CACNA1C: variants seen among roughly 807,000 people sequenced by gnomAD.
CACNA1C encodes the protein voltage-dependent L-type calcium channel subunit alpha-1C.
CACNA1C carries 30 observed loss-of-function variants against 229.0 expected under a neutral mutation model. The observed-to-expected ratio is 0.13, with a 90% confidence interval of 0.10 to 0.18. The LOEUF is 0.18. Ranked by LOEUF, CACNA1C falls within the 10% of genes least tolerant of loss-of-function variation. The pLI, the probability that CACNA1C is intolerant of heterozygous loss-of-function variation, is 1.00. For synonymous variants in CACNA1C, 1,114 were observed against 1,132.5 expected (o/e 0.98, Z 0.33); for missense variants, 1,658 against 2,845.0 (o/e 0.58, Z 9.49).
intron 3 of CACNA1C, among the ~76,000 whole-genome samples, chr12:2,137,676 C>G (rs560041869): frequency 6.6e-6 from 1 of 151,172 alleles, no homozygotes; most frequent in Non-Finnish European, 1.5e-5. Flanking sequence ...ATATATTTGT[C>G]TCTAAAATAC....
chr12:2,248,962 C>T (rs879408131), intron 3 of CACNA1C, among the ~76,000 whole-genome samples: 1 of 152,152 alleles, frequency 6.6e-6, no homozygotes, highest in South Asian at 2.1e-4. Context: ...CCGTGCCTGG[C>T]GTAAAATAGG....
chr12:2,467,151 C>T lies in CACNA1C; in HGVS notation c.757+9445C>T, dbSNP rs2099557491. 6.6e-6 allele frequency among the ~76,000 whole-genome samples: 1 copy of T among 152,146 alleles called. No homozygotes were observed. Among genetic ancestry groups the T allele is most frequent in the African/African-American group, 2.4e-5 (1 of 41,456 alleles). On this transcript the variant is annotated intron_variant, in intron 5 of 46. Coordinates refer to ENST00000399655, the MANE Select transcript of CACNA1C (RefSeq NM_000719.7). The surrounding 1 kb of genome is among the most constrained non-coding windows in gnomAD (Gnocchi z 4.6). ...CCTGCCCGCCCATCGGAGATGGTCC[C>T]TACAACATCTTCTAAGCCCTTTCCC...
chr12:2,138,389 T>C (rs2093768383), intron 3 of CACNA1C, among the ~76,000 whole-genome samples: 1 of 150,996 alleles, frequency 6.6e-6, no homozygotes, highest in Non-Finnish European at 1.5e-5. Flanking sequence ...GGAAGGCAGG[T>C]GGCAGGTGGT....
In CACNA1C at chr12:2,685,754, C is replaced by T. The variant is rs748240245; in HGVS notation, c.5592C>T (p.Asp1864=). Residue 1864 remains aspartate, a synonymous_variant, in exon 44 of 47, where the codon GAC becomes GAT. Coordinates refer to ENST00000399655, the MANE Select transcript of CACNA1C (RefSeq NM_000719.7). ...LSTEMLSYQD[D]ENRQLTLPEE... ...GTTCCAGGCTCTCCTACCAGGATGA[C>T]GAAAATCGGCAACTGACGCTCCCAG... The T allele has an allele frequency of 1.3e-5, 21 of 1,613,452 alleles. No homozygotes were observed. Among genetic ancestry groups the T allele is most frequent in the Middle Eastern group, 3.3e-4 (2 of 6,076 alleles).
intron 2 of CACNA1C, among the ~76,000 whole-genome samples, chr12:2,115,751 G>A (rs1227596044): frequency 3.3e-5 from 5 of 152,264 alleles, no homozygotes; most frequent in Admixed American, 6.5e-5. Context: ...ATCTGGGGAC[G>A]GGGCCCAGCA....
chr12:2,136,966 G>GCTGCTGGGCCTGCATTTGAACTTGGAT (rs1490700799), intron 3 of CACNA1C, among the ~76,000 whole-genome samples: 1 of 151,382 alleles, frequency 6.6e-6, no homozygotes. Flanking sequence ...GATCTTGGGA[G>GCTGCTGGGCCTGCATTTGAACTTGGAT]CTGCTGGGCC....
intron 3 of CACNA1C, among the ~76,000 whole-genome samples, chr12:2,400,739 A>T (rs779397012): frequency 6.6e-6 from 1 of 152,116 alleles, no homozygotes; most frequent in South Asian, 2.1e-4. Flanking sequence ...CAGGGGCCCC[A>T]TCTGGCCTGC....
rs2050128359 is a variant in CACNA1C at position 2,041,604 on chromosome 12, G to A, written c.139+70403G>A. On this transcript the variant is annotated intron_variant, in intron 1 of 46. Coordinates refer to the CACNA1C transcript ENST00000682462. ...TAAGGGTATTCTTGATATCCGCTGG[G>A]ATAATGTGACCACAGGACACCTTGC... 2.6e-5 allele frequency among the ~76,000 whole-genome samples: 4 copies of A among 152,226 alleles called. No individual in the cohort carries two copies. In the South Asian group the frequency reaches 8.3e-4, roughly 32 times the overall value.
rs1395994075 is a variant in CACNA1C, at chr12:2,348,325, A to G, written c.478-100651A>G. Among the ~76,000 whole-genome samples, 1 of 152,082 alleles carries G rather than the reference A, an allele frequency of 6.6e-6. No homozygotes were observed. Among genetic ancestry groups the G allele is most frequent in the East Asian group, 1.9e-4 (1 of 5,184 alleles). ...CTGAGTGCTGGCCCTGAGGATCTAG[A>G]CCCTTTGGATCCTATGTGCGGGGGA... is the stretch of plus-strand genomic sequence containing the variant. On this transcript the variant is annotated intron_variant, in intron 3 of 46. Transcript: ENST00000399655. The surrounding 1 kb of genome is among the most constrained non-coding windows in gnomAD (Gnocchi z 4.7).
chr12:2,417,356 A>G (rs1204584591), intron 3 of CACNA1C, among the ~76,000 whole-genome samples: 1 of 152,246 alleles, frequency 6.6e-6, no homozygotes, highest in Non-Finnish European at 1.5e-5. Flanking sequence ...TAGTGGCTAC[A>G]GACACCCACA....
chr12:2,336,022 C>CAAAAA (rs34731308), intron 3 of CACNA1C, among the ~76,000 whole-genome samples: 1 of 92,554 alleles, frequency 1.1e-5, no homozygotes, highest in Non-Finnish European at 2.4e-5. Context: ...AAAACAACTC[C>CAAAAA]AAAAAAAAAA....
chr12:2,396,363 G>A (rs1325555229), intron 3 of CACNA1C, among the ~76,000 whole-genome samples: 2 of 152,090 alleles, frequency 1.3e-5, no homozygotes, highest in African/African-American at 2.4e-5. Context: ...GCTCCCTTTC[G>A]GTGTCCGAGT....
At chr12:2,202,268 G>A (rs1325643422) in intron 3 of CACNA1C, among the ~76,000 whole-genome samples, 1 of 152,204 alleles carries the variant, frequency 6.6e-6, no homozygotes. Flanking sequence ...GGCCTGCCCA[G>A]GACCTCACCG....
chr12:2,610,806 A>G (rs926012873), intron 28 of CACNA1C, 107 bp downstream of exon 28: 7 of 1,111,312 alleles, frequency 6.3e-6, no homozygotes, highest in Non-Finnish European at 8.0e-6. Context: ...TTTCCTGGTC[A>G]CCAAGGGAGG....
chr12:2,185,728 A>G (rs1456728456), intron 3 of CACNA1C, among the ~76,000 whole-genome samples: 1 of 152,148 alleles, frequency 6.6e-6, no homozygotes, highest in Non-Finnish European at 1.5e-5. Context: ...ATTTCTGTTG[A>G]GTAAGCTGCC....
chr12:2,027,789 G>T (rs1384227463), intron 1 of CACNA1C, among the ~76,000 whole-genome samples: 1 of 152,196 alleles, frequency 6.6e-6, no homozygotes, highest in Non-Finnish European at 1.5e-5. Flanking sequence ...TCAGTATGAA[G>T]TTTTATGAAG....
At chr12:2,189,087 C>T (rs528480175) in intron 3 of CACNA1C, among the ~76,000 whole-genome samples, 123 of 126,488 alleles carry the variant, frequency 9.7e-4, no homozygotes, top group African/African-American at 2.3e-3. Flanking sequence ...AACGAGACTC[C>T]GTCTCAAAAA....
chr12:1,993,652 G>GTGTGTGTGTC (rs2040072620), intron 1 of CACNA1C, among the ~76,000 whole-genome samples: 1 of 149,624 alleles, frequency 6.7e-6, no homozygotes, highest in East Asian at 1.9e-4. Context: ...GTGTGTGTGT[G>GTGTGTGTGTC]TGTGTATACA....
At chr12:2,434,031 G>A (rs919557203) in intron 3 of CACNA1C, among the ~76,000 whole-genome samples, 13 of 152,126 alleles carry the variant, frequency 8.5e-5, no homozygotes, top group Non-Finnish European at 1.6e-4. Flanking sequence ...GAGGAAAAAC[G>A]CTATGCATAC....
Sources: allele counts gnomAD v4.1 joint callset (sites outside exome capture counted in the v4.1 genomes callset), GRCh38; gene constraint gnomAD v4.1.1; non-coding constraint Gnocchi (gnomAD v3.1); transcripts MANE v1.5; gene names NCBI Gene and HGNC (gene_info 2026-07-23, HGNC 2026-07-21).